The following ALX4 variants were observed in gnomAD, a reference collection of about 807,000 sequenced individuals.
ALX4 encodes homeobox protein aristaless-like 4.
A neutral mutation model predicts 40.6 loss-of-function variants in ALX4; 22 were observed. The ratio of observed to expected loss-of-function variants is 0.54; its 90% CI spans 0.39 to 0.77. The LOEUF (loss-of-function observed/expected upper bound fraction) is 0.77, where lower values mean the gene tolerates loss of function less well. Ranked by LOEUF, ALX4 falls within the 30% of genes least tolerant of loss-of-function variation. The probability of loss-of-function intolerance (pLI) is 0.00; values close to 1 mark genes in which losing one functional copy is unlikely to be tolerated. For synonymous variants in ALX4, 266 were observed against 240.5 expected (o/e 1.11, Z -0.98); for missense variants, 556 against 564.8 (o/e 0.98, Z 0.16).
Position 44,264,714 on chromosome 11 carries a change from G to A in ALX4, c.*140C>T. Reference sequence around the variant, plus strand: ...AGCAGTCCACGGGGCCTCAGACTTGGGGCGGCTGAAAGTGCTGAGGGTCAG... The same window carrying A: ...AGCAGTCCACGGGGCCTCAGACTTGAGGCGGCTGAAAGTGCTGAGGGTCAG... On this transcript the variant is annotated 3_prime_UTR_variant, in exon 4 of 4. Coordinates refer to ENST00000652299, the MANE Select transcript of ALX4 (RefSeq NM_021926.4). 1 of 947,140 alleles carries A rather than the reference G, an allele frequency of 1.1e-6. No individual in the cohort carries two copies. The highest frequency in any genetic ancestry group is 1.7e-5 in the South Asian group (1 of 59,720). The allele number at this position is 947,140 out of a possible 1,614,324, so 58.7% of individuals were successfully genotyped here.
intron 1 of ALX4, among the ~76,000 whole-genome samples, chr11:44,302,693 G>A (rs887316028): frequency 6.6e-6 from 1 of 152,156 alleles, no homozygotes; most frequent in Non-Finnish European, 1.5e-5. Flanking sequence ...TTGCATCCCA[G>A]TCCTGAGCCC....
intron 2 of ALX4, 30 bp downstream of exon 2, chr11:44,275,318 C>T (rs369517160): frequency 6.2e-7 from 1 of 1,613,272 alleles, no homozygotes; most frequent in East Asian, 2.2e-5. Flanking sequence ...TCTGCTTTAC[C>T]AGCCTCACTC....
Position 44,264,291 on chromosome 11 carries a change from G to A in ALX4, c.*563C>T, listed in dbSNP as rs574340639. 5.6e-4 allele frequency: 91 copies of A among 161,196 alleles called. 1 individual carries two copies. In the South Asian group the frequency reaches 0.014, roughly 24 times the overall value. The allele number at this position is 161,196 out of a possible 1,614,324, so 10.0% of individuals were successfully genotyped here. A position where few individuals can be genotyped will look rare whatever the true frequency, so the allele number is the denominator to read the frequency against. ...GGCTCTGTCAGACTCGTCACTGTTCGGGGGGAGGTGGAGGCTGGCGCCTTG... is the reference window on the plus strand; with the variant it reads ...GGCTCTGTCAGACTCGTCACTGTTCAGGGGGAGGTGGAGGCTGGCGCCTTG... On this transcript the variant is annotated 3_prime_UTR_variant, in exon 4 of 4. Transcript: ENST00000652299.
At chr11:44,275,806 T>G in intron 1 of ALX4, 148 bp from the exon 2 acceptor site, 2 of 739,628 alleles carry the variant, frequency 2.7e-6, no homozygotes, top group South Asian at 1.9e-5. Flanking sequence ...AGACTTGGCT[T>G]CTAATTCTGG....
chr11:44,308,196 CTG>C (rs1956480670), intron 1 of ALX4, among the ~76,000 whole-genome samples: 1 of 152,210 alleles, frequency 6.6e-6, no homozygotes, highest in Non-Finnish European at 1.5e-5. Context: ...AAGATGCTCT[CTG>C]CGTGTGTGTG....
intron 2 of ALX4, 103 bp downstream of exon 2, chr11:44,275,245 G>A (rs1590691191): frequency 8.2e-7 from 1 of 1,214,700 alleles, no homozygotes; most frequent in African/African-American, 1.5e-5. Flanking sequence ...GGAAAGGAAA[G>A]CCATGGTGTG....
At chr11:44,297,158 T>G (rs1384291740) in intron 1 of ALX4, among the ~76,000 whole-genome samples, 1 of 152,126 alleles carries the variant, frequency 6.6e-6, no homozygotes, top group Non-Finnish European at 1.5e-5. Context: ...ATGAAAAAGT[T>G]CTGGAAACAG....
intron 1 of ALX4, among the ~76,000 whole-genome samples, chr11:44,285,893 C>T (rs1016677855): frequency 3.3e-5 from 5 of 152,160 alleles, no homozygotes; most frequent in African/African-American, 1.2e-4. Flanking sequence ...TCAGAGTGGG[C>T]CTCCCAGATG....
intron 1 of ALX4, among the ~76,000 whole-genome samples, chr11:44,285,716 A>G (rs1260338527): frequency 6.7e-6 from 1 of 149,844 alleles, no homozygotes; most frequent in African/African-American, 2.5e-5. Context: ...ACTATGGAAC[A>G]TTTTATTTTT....
intron 1 of ALX4, among the ~76,000 whole-genome samples, chr11:44,298,649 C>G (rs1012003630): frequency 6.6e-6 from 1 of 152,066 alleles, no homozygotes; most frequent in Non-Finnish European, 1.5e-5. Context: ...AGACCGCAGG[C>G]CTGTGGCCAG....
At position 44,264,330 on chromosome 11, in the gene ALX4, G is replaced by A. The variant is rs534068592; in HGVS notation, c.*524C>T. The A allele has an allele frequency of 2.0e-3, 331 of 161,760 alleles. 1 individual carries two copies. The highest frequency in any genetic ancestry group is 3.5e-3 in the Non-Finnish European group (260 of 74,040). The allele number at this position is 161,760 out of a possible 1,614,324, so 10.0% of individuals were successfully genotyped here. On this transcript the variant is annotated 3_prime_UTR_variant, in exon 4 of 4. Transcript: ENST00000652299. ...GCTGGCGCCTTGGCCCCAGCAGGTC[G>A]GATTCCGTGTGCTTTCAGGGAGAGA...
intron 1 of ALX4, among the ~76,000 whole-genome samples, chr11:44,294,067 C>T (rs992517441): frequency 3.9e-5 from 6 of 152,232 alleles, no homozygotes; most frequent in African/African-American, 1.4e-4. Flanking sequence ...GGCACATAGG[C>T]ATGAGGGCAT....
intron 1 of ALX4, among the ~76,000 whole-genome samples, chr11:44,309,233 C>CAGCCCCG (rs1956490261): frequency 3.8e-5 from 3 of 79,044 alleles, no homozygotes; most frequent in South Asian, 5.3e-4. Flanking sequence ...CAGCCCAGCG[C>CAGCCCCG]CAGAGCGCTG....
chr11:44,307,415 G>A (rs1590706470), intron 1 of ALX4, among the ~76,000 whole-genome samples: 1 of 152,306 alleles, frequency 6.6e-6, no homozygotes, highest in East Asian at 1.9e-4. Flanking sequence ...GGCTGGCTGT[G>A]GGGGCCCAGC....
intron 1 of ALX4, among the ~76,000 whole-genome samples, chr11:44,276,426 C>A (rs1295295721): frequency 6.6e-6 from 1 of 152,252 alleles, no homozygotes; most frequent in Non-Finnish European, 1.5e-5. Context: ...GGTGGGTGTA[C>A]ATGAGCACAG....
intron 1 of ALX4, among the ~76,000 whole-genome samples, chr11:44,303,873 C>A (rs930496939): frequency 1.3e-5 from 2 of 152,224 alleles, no homozygotes; most frequent in African/African-American, 4.8e-5. Flanking sequence ...TACTCCGCAC[C>A]CCTCTACTGG....
rs11037920 is a variant in ALX4, at chr11:44,263,407, C to T, written c.*1447G>A. On this transcript the variant is annotated 3_prime_UTR_variant, in exon 4 of 4. Coordinates refer to ENST00000652299, the MANE Select transcript of ALX4 (RefSeq NM_021926.4). Reference sequence around the variant, plus strand: ...AGGGGTCGGGCAGGCAGGCACAGAGCCCCGCTTCCTGGAGGCAGGAAGCCT... The same window carrying T: ...AGGGGTCGGGCAGGCAGGCACAGAGTCCCGCTTCCTGGAGGCAGGAAGCCT... The T allele has an allele frequency of 0.023, 3,553 of 152,376 alleles. 139 individuals carry two copies. The highest frequency in any genetic ancestry group is 0.081 in the African/African-American group (3,367 of 41,560). 9.4% of individuals were successfully genotyped at this position (152,376 alleles called of 1,614,324 possible).
intron 1 of ALX4, among the ~76,000 whole-genome samples, chr11:44,293,106 A>T: frequency 1.7e-4 from 1 of 5,906 alleles, no homozygotes; most frequent in South Asian, 4.4e-3. Context: ...GAGAGAAGGA[A>T]GGAAGGAAGG....
At chr11:44,293,405 C>T (rs1387828858) in intron 1 of ALX4, among the ~76,000 whole-genome samples, 2 of 84,042 alleles carry the variant, frequency 2.4e-5, no homozygotes, top group Admixed American at 1.5e-4. Flanking sequence ...ATGGCAAAAC[C>T]CCATCTTAAA....
Sources: gnomAD v4.1 joint callset for allele counts (sites outside exome capture counted in the v4.1 genomes callset) on GRCh38, gnomAD v4.1.1 for gene constraint, MANE v1.5 for transcripts, NCBI Gene and HGNC (gene_info 2026-07-23, HGNC 2026-07-21) for gene names.